The following RYR3 variants were observed in gnomAD, a reference collection of about 807,000 sequenced individuals.
RYR3 encodes the protein ryanodine receptor 3.
A neutral mutation model predicts 584.3 loss-of-function variants in RYR3; 207 were observed. That is an observed-to-expected ratio of 0.35 (90% CI 0.32 to 0.40). The LOEUF is 0.40. RYR3 is among the 10% of genes least tolerant of loss of function. The pLI, the probability that RYR3 is intolerant of heterozygous loss-of-function variation, is 1.00. For synonymous variants in RYR3, 2,416 were observed against 2,248.5 expected, an observed-to-expected ratio of 1.07 and a Z score of -2.11; for missense variants, 5,616 against 6,089.2, an observed-to-expected ratio of 0.92 and a Z score of 2.59.
intron 1 of RYR3, among the ~76,000 whole-genome samples, chr15:33,318,193 G>A (rs1158176963): frequency 6.6e-6 from 1 of 152,188 alleles, no homozygotes. Context: ...GCCATCAACA[G>A]TTTTTCTACT....
At chr15:33,509,507 T>G (rs1318711085) in intron 3 of RYR3, among the ~76,000 whole-genome samples, 3 of 152,252 alleles carry the variant, frequency 2.0e-5, no homozygotes, top group Admixed American at 1.3e-4. Context: ...ACTGCGTCCA[T>G]AATTCTAAAC....
chr15:33,803,450 C>A (rs1467324378), intron 69 of RYR3, among the ~76,000 whole-genome samples: 2 of 152,202 alleles, frequency 1.3e-5, no homozygotes, highest in African/African-American at 4.8e-5. Context: ...TTACAGGTAT[C>A]ACAGCCTCTT....
chr15:33,403,536 T>G (rs997528710), intron 1 of RYR3, among the ~76,000 whole-genome samples: 2 of 152,204 alleles, frequency 1.3e-5, no homozygotes, highest in African/African-American at 4.8e-5. Flanking sequence ...TAAATATAAA[T>G]ATCCTTAATA....
intron 94 of RYR3, 148 bp from the exon 95 acceptor site, chr15:33,852,897 T>C: frequency 4.3e-6 from 3 of 690,190 alleles, no homozygotes; most frequent in Non-Finnish European, 5.1e-6. Context: ...GTGATGACTC[T>C]GAACTTCAAT....
chr15:33,606,430 A>G (rs982385948), intron 18 of RYR3, among the ~76,000 whole-genome samples: 8 of 152,132 alleles, frequency 5.3e-5, no homozygotes, highest in Admixed American at 1.3e-4. Context: ...GGAATAAAGA[A>G]CCCCCATTCC....
chr15:33,364,263 A>T (rs537607923), intron 1 of RYR3, among the ~76,000 whole-genome samples: 2 of 152,042 alleles, frequency 1.3e-5, no homozygotes, highest in African/African-American at 2.4e-5. Context: ...ACCAGGCTGC[A>T]CTAAACCATT....
chr15:33,688,946 T>C (rs1170953632), intron 38 of RYR3, among the ~76,000 whole-genome samples: 1 of 152,050 alleles, frequency 6.6e-6, no homozygotes, highest in African/African-American at 2.4e-5. Context: ...TGCAGCACTA[T>C]TCACAATAGC....
Position 33,649,133 on chromosome 15 carries a change from G to A in RYR3, c.4040G>A (p.Trp1347Ter). Residue 1347 changes from tryptophan to a stop codon, truncating the protein, a stop_gained, in exon 31 of 104, where the codon TGG becomes TAG. Coordinates refer to ENST00000634891, the MANE Select transcript of RYR3 (RefSeq NM_001036.6). LOFTEE classifies it high-confidence loss of function. ...GATCCATCCTGTGTCTGGGTCGGATGGGTGACTCCAGACTATCACTTGTAC... is the reference window on the plus strand; with the variant it reads ...GATCCATCCTGTGTCTGGGTCGGATAGGTGACTCCAGACTATCACTTGTAC... ...GQDPSCVWVG[W>*]VTPDYHLYSE... The A allele has an allele frequency of 6.2e-7, 1 of 1,613,796 alleles. No individual in the cohort carries two copies. The highest frequency in any genetic ancestry group is 1.1e-5 in the South Asian group (1 of 91,058).
chr15:33,596,938 A>G (rs1337554909), intron 16 of RYR3, among the ~76,000 whole-genome samples: 1 of 151,984 alleles, frequency 6.6e-6, no homozygotes, highest in Non-Finnish European at 1.5e-5. Context: ...TAACTTTGAG[A>G]GGAACATAGT....
At chr15:33,741,147 G>C (rs1486901660) in intron 51 of RYR3, among the ~76,000 whole-genome samples, 2 of 152,250 alleles carry the variant, frequency 1.3e-5, no homozygotes, top group African/African-American at 4.8e-5. Context: ...ATTTATTCCA[G>C]TGTACCTGTG....
chr15:33,838,705 G>A lies in RYR3; in HGVS notation c.12725G>A (p.Gly4242Asp). Residue 4242 changes from glycine (G) to aspartate (D), a missense_variant, in exon 89 of 104, where the codon GGT (glycine) becomes GAT (aspartate). Physicochemically the swap from Gly to Asp is moderately conservative, Grantham distance 94. This residue lies in a region of RYR3 where 918 missense variants were observed against 887.4 expected (regional missense o/e 1.03). Coordinates refer to ENST00000634891, the MANE Select transcript of RYR3 (RefSeq NM_001036.6). Reference protein sequence around the residue: ...LGDMPDPTQFGIHDDTMEAER... With the variant: ...LGDMPDPTQFDIHDDTMEAER... ...GACATGCCTGACCCAACCCAATTTG[G>A]TATCCATGATGACACTATGGAGGCT... 1.2e-6 allele frequency: 2 copies of A among 1,613,880 alleles called. No individual in the cohort carries two copies. Among genetic ancestry groups the A allele is most frequent in the Middle Eastern group, 1.6e-4 (1 of 6,062 alleles).
At chr15:33,315,298 C>T in intron 1 of RYR3, among the ~76,000 whole-genome samples, 1 of 152,192 alleles carries the variant, frequency 6.6e-6, no homozygotes, top group East Asian at 1.9e-4. Context: ...GCTTTCTTCT[C>T]TCTGCGGCAG....
chr15:33,554,625 G>A (rs1417212070), intron 10 of RYR3, among the ~76,000 whole-genome samples: 1 of 152,154 alleles, frequency 6.6e-6, no homozygotes, highest in African/African-American at 2.4e-5. Context: ...GAAACATCCT[G>A]CCATCCTTGT....
intron 10 of RYR3, among the ~76,000 whole-genome samples, chr15:33,560,945 T>C (rs908861372): frequency 1.3e-5 from 2 of 152,194 alleles, no homozygotes; most frequent in African/African-American, 4.8e-5. Flanking sequence ...CCAGCCAATG[T>C]TTCAACACAC....
chr15:33,653,397 C>T (rs544800457), intron 32 of RYR3, among the ~76,000 whole-genome samples: 2 of 152,234 alleles, frequency 1.3e-5, no homozygotes, highest in South Asian at 4.1e-4. Context: ...ATAGGCCAGG[C>T]GCAGTGGCTC....
chr15:33,543,356 C>T (rs1193100274), intron 7 of RYR3, among the ~76,000 whole-genome samples: 1 of 152,126 alleles, frequency 6.6e-6, no homozygotes, highest in Non-Finnish European at 1.5e-5. Flanking sequence ...TTAATGATAT[C>T]AATTGGCACA....
At chr15:33,649,264 G>C (rs776547210) in intron 31 of RYR3, 29 bp downstream of exon 31, 9 of 1,598,374 alleles carry the variant, frequency 5.6e-6, no homozygotes. Flanking sequence ...GGCAGGGTTA[G>C]CCATCGGGCT....
rs745318855 is a variant in RYR3 at position 33,818,696 on chromosome 15, C to A, written c.10706+12C>A. 1.3e-5 allele frequency: 21 copies of A among 1,589,136 alleles called. No homozygotes were observed. The highest frequency in any genetic ancestry group is 1.6e-5 in the Non-Finnish European group (19 of 1,158,278). On this transcript the variant is annotated intron_variant, in intron 76 of 103. Transcript: ENST00000634891. ...CTCACGGAGAGGAGGTCAGAACCAC[C>A]AGCTCACCTGCTTCTCCCAGGCACC...
In RYR3 at chr15:33,671,805, CTTTTTTT is replaced by C. The variant is rs56206846; in HGVS notation, c.5860+1267_5860+1273del. On this transcript the variant is annotated intron_variant, in intron 38 of 103. Coordinates refer to ENST00000634891, the MANE Select transcript of RYR3 (RefSeq NM_001036.6). ...GTTGCTTCTTTCCCACCTTCTTTTT[CTTTTTTT>C]TTTTTTTTTTTTTTTTTCCTGAGAC... Among the ~76,000 whole-genome samples, 71 of 80,288 alleles carry C rather than the reference CTTTTTTT, an allele frequency of 8.8e-4. 1 individual carries two copies. Among genetic ancestry groups the C allele is most frequent in the Middle Eastern group, 0.017 (2 of 116 alleles). 52.7% of individuals were successfully genotyped at this position (80,288 alleles called of 152,430 possible).
Sources: allele counts gnomAD v4.1 joint callset (sites outside exome capture counted in the v4.1 genomes callset), GRCh38; gene constraint gnomAD v4.1.1; regional missense constraint gnomAD v4.1.1; transcripts MANE v1.5; gene names NCBI Gene and HGNC (gene_info 2026-07-23, HGNC 2026-07-21).